The following PCSK5 variants were observed in gnomAD, a reference collection of about 807,000 sequenced individuals.
PCSK5 encodes the protein proprotein convertase subtilisin/kexin type 5, also known as prohormone convertase 5.
Under a neutral mutation model 233.2 loss-of-function variants are expected in PCSK5, and 129 were observed. The observed-to-expected ratio is 0.55, with a 90% CI of 0.48 to 0.64. PCSK5 has a LOEUF of 0.64. PCSK5 is among the 30% of genes least tolerant of loss of function. PCSK5 has a pLI of 0.00. For synonymous variants in PCSK5, 825 were observed against 879.2 expected, an observed-to-expected ratio of 0.94 and a Z score of 1.09; for missense variants, 2,076 against 2,430.1, an observed-to-expected ratio of 0.85 and a Z score of 3.06.
At chr9:76,212,630 A>T (rs980571235) in intron 20 of PCSK5, among the ~76,000 whole-genome samples, 1 of 152,186 alleles carries the variant, frequency 6.6e-6, no homozygotes, top group South Asian at 2.1e-4. Flanking sequence ...AACTCACTCA[A>T]GTTTAAGTCC....
chr9:76,220,450 A>T (rs1456558945), intron 20 of PCSK5, among the ~76,000 whole-genome samples: 1 of 148,220 alleles, frequency 6.7e-6, no homozygotes, highest in East Asian at 2.0e-4. Context: ...TGGCTTGAAC[A>T]TGGGAGGCAG....
At chr9:76,177,904 A>G (rs1029335371) in intron 14 of PCSK5, among the ~76,000 whole-genome samples, 3 of 152,210 alleles carry the variant, frequency 2.0e-5, no homozygotes. Flanking sequence ...TGAATTTGCC[A>G]TACAGTGAGA....
At chr9:76,022,461 A>G (rs1828235902) in intron 3 of PCSK5, among the ~76,000 whole-genome samples, 1 of 152,228 alleles carries the variant, frequency 6.6e-6, no homozygotes, top group African/African-American at 2.4e-5. Flanking sequence ...CAAAGCAGGA[A>G]GAAAGTAGTG....
At chr9:76,098,684 A>T (rs1169915337) in intron 8 of PCSK5, among the ~76,000 whole-genome samples, 4 of 152,176 alleles carry the variant, frequency 2.6e-5, no homozygotes, top group Non-Finnish European at 4.4e-5. Flanking sequence ...TGGGGAGGGT[A>T]TTGTTAACTT....
chr9:76,167,671 T>C (rs1319646038), intron 12 of PCSK5, among the ~76,000 whole-genome samples: 1 of 152,210 alleles, frequency 6.6e-6, no homozygotes, highest in Admixed American at 6.5e-5. Flanking sequence ...TCTAATATAT[T>C]GTTATAAGAA....
At chr9:75,959,711 A>G (rs1825258747) in intron 2 of PCSK5, among the ~76,000 whole-genome samples, 1 of 152,236 alleles carries the variant, frequency 6.6e-6, no homozygotes, top group African/African-American at 2.4e-5. Context: ...GGTGAAACTT[A>G]AGAATCCTTA....
At chr9:76,075,200 A>G (rs891904040) in intron 7 of PCSK5, among the ~76,000 whole-genome samples, 1 of 151,810 alleles carries the variant, frequency 6.6e-6, no homozygotes, top group Non-Finnish European at 1.5e-5. Flanking sequence ...AGCCTGGGCA[A>G]CAGAGTAAGA....
At position 76,292,289 on chromosome 9, in the gene PCSK5, TC is replaced by T. The variant is rs1197335444; in HGVS notation, c.3185+16del. Reference sequence around the variant, plus strand: ...GGGGTATTACAGGTAAGTCTGGTCTTCCTTTTCATGGCACTAACTTTTCTGC... The same window carrying T: ...GGGGTATTACAGGTAAGTCTGGTCTTCTTTTCATGGCACTAACTTTTCTGC... On this transcript the variant is annotated intron_variant, in intron 25 of 37. Transcript: ENST00000674117. 5.2e-6 allele frequency: 8 copies of T among 1,528,206 alleles called. No homozygotes were observed. In the East Asian group the frequency reaches 1.8e-4, roughly 34 times the overall value. 94.7% of individuals were successfully genotyped at this position (1,528,206 alleles called of 1,614,324 possible).
chr9:76,018,474 C>T (rs1828045980), intron 3 of PCSK5, among the ~76,000 whole-genome samples: 1 of 151,562 alleles, frequency 6.6e-6, no homozygotes, highest in Admixed American at 6.6e-5. Context: ...CTCAGAGGAG[C>T]ACCAACCCTA....
At chr9:76,046,635 A>T (rs1587546869) in intron 5 of PCSK5, among the ~76,000 whole-genome samples, 1 of 130,958 alleles carries the variant, frequency 7.6e-6, no homozygotes, top group Non-Finnish European at 1.5e-5. Context: ...ATCTCGGCTC[A>T]CTGCAAGCTC....
At chr9:76,055,438 G>C (rs961150893) in intron 5 of PCSK5, among the ~76,000 whole-genome samples, 3 of 151,670 alleles carry the variant, frequency 2.0e-5, no homozygotes, top group Non-Finnish European at 4.4e-5. Context: ...ATATATTTTG[G>C]TAAGCTTTTC....
intron 3 of PCSK5, among the ~76,000 whole-genome samples, chr9:76,010,033 A>C (rs973424176): frequency 2.0e-5 from 3 of 152,168 alleles, no homozygotes; most frequent in African/African-American, 7.2e-5. Flanking sequence ...ACTACCGATG[A>C]AGTTGATACT....
chr9:76,025,419 G>GA (rs1196445641), intron 4 of PCSK5, among the ~76,000 whole-genome samples: 1 of 151,604 alleles, frequency 6.6e-6, no homozygotes, highest in Non-Finnish European at 1.5e-5. Context: ...GAGAGAGAGA[G>GA]AGACCAAGCC....
chr9:76,166,874 C>G (rs1489023299), intron 12 of PCSK5, among the ~76,000 whole-genome samples: 1 of 152,172 alleles, frequency 6.6e-6, no homozygotes, highest in African/African-American at 2.4e-5. Context: ...TGAAAAAGCT[C>G]CTCTTCCCCT....
chr9:76,033,583 G>GAA (rs879667472), intron 5 of PCSK5, among the ~76,000 whole-genome samples: 2 of 145,148 alleles, frequency 1.4e-5, no homozygotes, highest in Non-Finnish European at 3.0e-5. Flanking sequence ...TGCAATTGTG[G>GAA]AAAAAAAAAA....
intron 2 of PCSK5, among the ~76,000 whole-genome samples, chr9:75,933,370 T>C (rs1334608400): frequency 6.6e-6 from 1 of 152,184 alleles, no homozygotes; most frequent in Non-Finnish European, 1.5e-5. Flanking sequence ...CTGTGTATTA[T>C]TGATTGTAGG....
chr9:76,147,180 T>G (rs1446341690), intron 10 of PCSK5, among the ~76,000 whole-genome samples: 2 of 152,168 alleles, frequency 1.3e-5, no homozygotes, highest in African/African-American at 2.4e-5. Flanking sequence ...TAATGTGCAT[T>G]CAAAGAAGGA....
chr9:75,907,437 A>G (rs539112503), intron 1 of PCSK5, among the ~76,000 whole-genome samples: 1 of 152,344 alleles, frequency 6.6e-6, no homozygotes, highest in South Asian at 2.1e-4. Context: ...GCAGTGTTCT[A>G]GGATTGATGA....
intron 9 of PCSK5, among the ~76,000 whole-genome samples, chr9:76,123,566 TTTA>T (rs1383239786): frequency 6.6e-6 from 1 of 152,184 alleles, no homozygotes; most frequent in Admixed American, 6.5e-5. Context: ...TTAATTATTT[TTTA>T]TTATTTTTTA....
Sources: allele counts gnomAD v4.1 joint callset (sites outside exome capture counted in the v4.1 genomes callset), GRCh38; gene constraint gnomAD v4.1.1; transcripts MANE v1.5; gene names NCBI Gene and HGNC (gene_info 2026-07-23, HGNC 2026-07-21).